Variants in HDAC3 observed in about 807,000 individuals in gnomAD.
HDAC3 encodes histone deacetylase 3, also known as SMAP45.
Under a neutral mutation model 62.3 loss-of-function variants are expected in HDAC3, and 21 were observed. The observed-to-expected ratio is 0.34, with a 90% CI of 0.24 to 0.49. The LOEUF is 0.49. Ranked by LOEUF, HDAC3 falls within the 20% of genes least tolerant of loss-of-function variation. The probability of loss-of-function intolerance (pLI) is 0.99; values close to 1 mark genes in which losing one functional copy is unlikely to be tolerated. For synonymous variants in HDAC3, 198 were observed against 206.5 expected, an observed-to-expected ratio of 0.96 and a Z score of 0.35; for missense variants, 270 against 556.9, an observed-to-expected ratio of 0.48 and a Z score of 5.19.
intron 2 of HDAC3, 49 bp from the exon 3 acceptor site, chr5:141,635,002 A>T (rs1413890881): frequency 6.3e-7 from 1 of 1,596,390 alleles, no homozygotes; most frequent in East Asian, 2.2e-5. Flanking sequence ...GCCCCACTCC[A>T]CAGGCTCAGA....
rs756522328 is a variant in HDAC3, at chr5:141,630,092, C to T, written c.315G>A (p.Ser105=). 54 of 1,613,988 alleles carry T rather than the reference C, an allele frequency of 3.3e-5. No homozygotes were observed. Among genetic ancestry groups the T allele is most frequent in the Admixed American group, 5.0e-5 (3 of 59,996 alleles). ...PVFPGLFEFC[S]RYTGASLQGA... ...CTTGCAGAGATGCGCCTGTGTAACG[C>T]GAGCAGAACTCAAAGAGCCCGGGAA... Residue 105 remains serine, a synonymous_variant, in exon 4 of 15, where the codon TCG becomes TCA. Transcript: ENST00000305264.
At chr5:141,635,548 G>C (rs2099905845) in intron 2 of HDAC3, among the ~76,000 whole-genome samples, 1 of 152,244 alleles carries the variant, frequency 6.6e-6, no homozygotes, top group East Asian at 1.9e-4. Context: ...CTTGGCACAA[G>C]CAATGAACAT....
At chr5:141,635,382 G>A (rs547208877) in intron 2 of HDAC3, among the ~76,000 whole-genome samples, 32 of 152,238 alleles carry the variant, frequency 2.1e-4, no homozygotes, top group African/African-American at 7.7e-4. Flanking sequence ...GAAGGTCAGG[G>A]GGATGTGTCA....
Position 141,628,388 on chromosome 5 carries a change from T to C in HDAC3, c.691+171A>G, listed in dbSNP as rs1596440156. On this transcript the variant is annotated intron_variant, in intron 8 of 14. Transcript: ENST00000305264. The surrounding 1 kb of genome is among the most constrained non-coding windows in gnomAD (Gnocchi z 4.7). Reference sequence around the variant, plus strand: ...AAGCCAATGACTTTTCCCAGAAAAATGCACATACACATGATATGTTGCATA... The same window carrying C: ...AAGCCAATGACTTTTCCCAGAAAAACGCACATACACATGATATGTTGCATA... The C allele has an allele frequency of 1.4e-6, 1 of 727,754 alleles. No individual in the cohort carries two copies. The highest frequency in any genetic ancestry group is 2.7e-5 in the East Asian group (1 of 37,368). The allele number at this position is 727,754 out of a possible 1,614,324, so 45.1% of individuals were successfully genotyped here. A position where few individuals can be genotyped will look rare whatever the true frequency, so the allele number is the denominator to read the frequency against.
Position 141,636,832 on chromosome 5 carries a change from C to CCCGCGG in HDAC3, c.-48_-43dup. 1 of 1,442,128 alleles carries CCCGCGG rather than the reference C, an allele frequency of 6.9e-7. No homozygotes were observed. The highest frequency in any genetic ancestry group is 9.1e-7 in the Non-Finnish European group (1 of 1,099,480). The allele number at this position is 1,442,128 out of a possible 1,614,324, so 89.3% of individuals were successfully genotyped here. Reference sequence around the variant, plus strand: ...GGCCCCGCACCTCCGCCGCCCGCCGCCCGCGGCCGCCGCCAGCCCCTCCCC... The same window carrying CCCGCGG: ...GGCCCCGCACCTCCGCCGCCCGCCGCCCGCGGCCGCGGCCGCCGCCAGCCCCTCCCC... On this transcript the variant is annotated 5_prime_UTR_variant, in exon 1 of 15. Transcript: ENST00000305264.
chr5:141,628,403 T>A lies in HDAC3; in HGVS notation c.691+156A>T. ...CCCAGAAAAATGCACATACACATGA[T>A]ATGTTGCATACAATTTCCAGAGATT... is the stretch of plus-strand genomic sequence containing the variant. On this transcript the variant is annotated intron_variant, in intron 8 of 14. Transcript: ENST00000305264. The surrounding 1 kb of genome is among the most constrained non-coding windows in gnomAD (Gnocchi z 4.7). 1 of 741,038 alleles carries A rather than the reference T, an allele frequency of 1.3e-6. No homozygotes were observed. Among genetic ancestry groups the A allele is most frequent in the Non-Finnish European group, 2.4e-6 (1 of 424,734 alleles). 45.9% of individuals were successfully genotyped at this position (741,038 alleles called of 1,614,324 possible).
At chr5:141,631,275 C>A (rs572119838) in intron 3 of HDAC3, among the ~76,000 whole-genome samples, 60 of 152,180 alleles carry the variant, frequency 3.9e-4, no homozygotes, top group African/African-American at 1.4e-3. Flanking sequence ...GCAGCCTCCG[C>A]CTCCCGGGTT....
In HDAC3 at chr5:141,636,805, C is replaced by A. The variant is rs369319146; in HGVS notation, c.-15G>T. 16 of 1,586,972 alleles carry A rather than the reference C, an allele frequency of 1.0e-5. No individual in the cohort carries two copies. The highest frequency in any genetic ancestry group is 2.3e-5 in the East Asian group (1 of 43,160). The stretch of plus-strand genomic sequence containing the variant: ...GTCTTGGCCATGGTGCCGGCGGGAG[C>A]AGGCCCCGCACCTCCGCCGCCCGCC... On this transcript the variant is annotated 5_prime_UTR_variant, in exon 1 of 15. Coordinates refer to ENST00000305264, the MANE Select transcript of HDAC3 (RefSeq NM_003883.4).
intron 14 of HDAC3, among the ~76,000 whole-genome samples, chr5:141,623,789 G>A (rs1051548147): frequency 1.3e-5 from 2 of 152,002 alleles, no homozygotes; most frequent in African/African-American, 2.4e-5. Flanking sequence ...CAGCAGAGCC[G>A]GCTCAAACCT....
At chr5:141,627,488 A>G (rs1161993170) in intron 10 of HDAC3, among the ~76,000 whole-genome samples, 4 of 152,222 alleles carry the variant, frequency 2.6e-5, no homozygotes, top group Non-Finnish European at 5.9e-5. Flanking sequence ...TTACTTCCTC[A>G]GAAAAACTTT....
intron 3 of HDAC3, among the ~76,000 whole-genome samples, chr5:141,632,190 A>C (rs547311788): frequency 6.6e-6 from 1 of 152,412 alleles, no homozygotes; most frequent in South Asian, 2.1e-4. Flanking sequence ...ACACATGACT[A>C]ATTTTTGTAT....
At chr5:141,624,244 A>C (rs1348672514) in intron 14 of HDAC3, among the ~76,000 whole-genome samples, 1 of 151,260 alleles carries the variant, frequency 6.6e-6, no homozygotes, top group Non-Finnish European at 1.5e-5. Context: ...AGCAAATATA[A>C]AAAATTTTAG....
In HDAC3 at chr5:141,628,003, C is replaced by T. The variant is rs1473532766; in HGVS notation, c.766-46G>A. ...GGAAAGTGCAGTGATCAGAACTGAT[C>T]AGAACATCACAGATACCCCTTCCAC... On this transcript the variant is annotated intron_variant, in intron 9 of 14. Coordinates refer to ENST00000305264, the MANE Select transcript of HDAC3 (RefSeq NM_003883.4). This position sits in a 1 kb window ranked among gnomAD's most constrained non-coding sequence, Gnocchi z 4.7. The T allele has an allele frequency of 3.1e-6, 5 of 1,606,202 alleles. 1 individual carries two copies. The Admixed American group carries it at 6.7e-5, about 21-fold the overall frequency.
At chr5:141,622,344 A>T (rs2099903823) in intron 14 of HDAC3, among the ~76,000 whole-genome samples, 1 of 152,230 alleles carries the variant, frequency 6.6e-6, no homozygotes, top group South Asian at 2.1e-4. Context: ...GGTAGCTCAC[A>T]CCTGTAATCC....
chr5:141,625,987 T>C lies in HDAC3; in HGVS notation c.979+26A>G. 1.3e-6 allele frequency: 2 copies of C among 1,591,918 alleles called. No homozygotes were observed. Among genetic ancestry groups the C allele is most frequent in the East Asian group, 2.2e-5 (1 of 44,770 alleles). On this transcript the variant is annotated intron_variant, in intron 12 of 14. Transcript: ENST00000305264. This position sits in a 1 kb window ranked among gnomAD's most constrained non-coding sequence, Gnocchi z 4.0. ...TCTGGTGAGAATGGCCTTCCTGTTA[T>C]GGGGGTGTTGTGGGGTGGTCCTTAC...
At position 141,626,768 on chromosome 5, in the gene HDAC3, ATGTGTGTGTG is replaced by A. The variant is rs533488025; in HGVS notation, c.831-495_831-486del. Among the ~76,000 whole-genome samples the A allele has an allele frequency of 7.1e-4, 95 of 133,292 alleles. No individual in the cohort carries two copies. Among genetic ancestry groups the A allele is most frequent in the African/African-American group, 2.9e-3 (94 of 32,666 alleles). 87.4% of individuals were successfully genotyped at this position (133,292 alleles called of 152,430 possible). A position where few individuals can be genotyped will look rare whatever the true frequency, so the allele number is the denominator to read the frequency against. ...AAAAAAGAAAAAAAAAAACATATAT[ATGTGTGTGTG>A]TGTGTGTATATATATATATATACAC... is the stretch of plus-strand genomic sequence containing the variant. On this transcript the variant is annotated intron_variant, in intron 10 of 14. Transcript: ENST00000305264. The surrounding 1 kb of genome is among the most constrained non-coding windows in gnomAD (Gnocchi z 4.6).
rs1184563554 is a variant in HDAC3, at chr5:141,621,160, C to T, written c.*308G>A. ...TTCATCCCTCAAAAATCTCTGGGTTCGAGGGAAGCAGGGAAGAAATAAGGG... is the reference window on the plus strand; with the variant it reads ...TTCATCCCTCAAAAATCTCTGGGTTTGAGGGAAGCAGGGAAGAAATAAGGG... On this transcript the variant is annotated 3_prime_UTR_variant, in exon 15 of 15. Transcript: ENST00000305264. The T allele has an allele frequency of 2.2e-5, 7 of 320,284 alleles. No individual in the cohort carries two copies. Among genetic ancestry groups the T allele is most frequent in the South Asian group, 5.9e-5 (2 of 33,626 alleles). The allele number at this position is 320,284 out of a possible 1,614,324, so 19.8% of individuals were successfully genotyped here.
At position 141,625,778 on chromosome 5, in the gene HDAC3, G is replaced by C; in HGVS notation, c.980-14C>G. ...ACTCGAAGTATTCTTGGGGAGGAGAGGAGAAAGTATGGCTCAGACTGAGAA... is the reference window on the plus strand; with the variant it reads ...ACTCGAAGTATTCTTGGGGAGGAGACGAGAAAGTATGGCTCAGACTGAGAA... On this transcript the variant is annotated splice_polypyrimidine_tract_variant and intron_variant, in intron 12 of 14. Coordinates refer to ENST00000305264, the MANE Select transcript of HDAC3 (RefSeq NM_003883.4). The surrounding 1 kb of genome is among the most constrained non-coding windows in gnomAD (Gnocchi z 4.0). 1 of 1,611,782 alleles carries C rather than the reference G, an allele frequency of 6.2e-7. No individual in the cohort carries two copies. The highest frequency in any genetic ancestry group is 8.5e-7 in the Non-Finnish European group (1 of 1,177,878).
chr5:141,621,422 A>G lies in HDAC3; in HGVS notation c.*46T>C. The G allele has an allele frequency of 1.9e-6, 3 of 1,558,994 alleles. No individual in the cohort carries two copies. Among genetic ancestry groups the G allele is most frequent in the Non-Finnish European group, 2.7e-6 (3 of 1,130,038 alleles). On this transcript the variant is annotated 3_prime_UTR_variant, in exon 15 of 15. Transcript: ENST00000305264. ...CACTCCTTTTCCCTCCAGCCCAACC[A>G]AGAGGTGAAAAGAAATTCCTTGGGA...
Sources: allele counts gnomAD v4.1 joint callset (sites outside exome capture counted in the v4.1 genomes callset), GRCh38; gene constraint gnomAD v4.1.1; non-coding constraint Gnocchi (gnomAD v3.1); transcripts MANE v1.5; gene names NCBI Gene and HGNC (gene_info 2026-07-23, HGNC 2026-07-21).